Variants in SNED1 observed in about 807,000 individuals in gnomAD.
The protein encoded by SNED1 is sushi, nidogen and EGF-like domain-containing protein 1.
Under a neutral mutation model 166.7 loss-of-function variants are expected in SNED1, and 81 were observed. The observed-to-expected ratio is 0.49, with a 90% CI of 0.41 to 0.58. SNED1 has a LOEUF of 0.58. Ranked by LOEUF, SNED1 falls within the 20% of genes least tolerant of loss-of-function variation. The pLI is 0.00. For synonymous variants in SNED1, 762 were observed against 822.0 expected, an observed-to-expected ratio of 0.93 and a Z score of 1.25; for missense variants, 1,604 against 2,000.2, an observed-to-expected ratio of 0.80 and a Z score of 3.78.
At chr2:241,047,538 T>C (rs1041792190) in intron 8 of SNED1, among the ~76,000 whole-genome samples, 4 of 152,262 alleles carry the variant, frequency 2.6e-5, no homozygotes, top group Non-Finnish European at 4.4e-5. Flanking sequence ...TTGGCCATCA[T>C]AGGCCATATT....
rs940998319 is a variant in SNED1 at position 241,091,151 on chromosome 2, C to T, written c.*2-487C>T. On this transcript the variant is annotated intron_variant, in intron 31 of 31. Coordinates refer to ENST00000310397, the MANE Select transcript of SNED1 (RefSeq NM_001080437.3). The surrounding 1 kb of genome is among the most constrained non-coding windows in gnomAD (Gnocchi z 4.1). ...TTATCAAATACTGACTTATAGAATACCTATTCTTGAAATAATGGAGACAAC... is the reference window on the plus strand; with the variant it reads ...TTATCAAATACTGACTTATAGAATATCTATTCTTGAAATAATGGAGACAAC... Among the ~76,000 whole-genome samples the T allele has an allele frequency of 2.0e-5, 3 of 152,076 alleles. No individual in the cohort carries two copies. Among genetic ancestry groups the T allele is most frequent in the African/African-American group, 7.3e-5 (3 of 41,362 alleles).
chr2:241,053,073 T>A lies in SNED1; in HGVS notation c.2084-80T>A, dbSNP rs1041537878. On this transcript the variant is annotated intron_variant, in intron 15 of 31. Transcript: ENST00000310397. ...AGCAGGACATCCCTGGGCCCTGCAG[T>A]CGGGTCGGGCAGAGGCAGGGCGGTG... The A allele has an allele frequency of 2.9e-6, 4 of 1,378,566 alleles. No homozygotes were observed. The African/African-American group carries it at 4.3e-5, about 15-fold the overall frequency. The allele number at this position is 1,378,566 out of a possible 1,614,324, so 85.4% of individuals were successfully genotyped here.
chr2:241,019,745 A>G (rs1020462611), intron 1 of SNED1, among the ~76,000 whole-genome samples: 1 of 152,160 alleles, frequency 6.6e-6, no homozygotes, highest in African/African-American at 2.4e-5. Context: ...AGGCTGTCAA[A>G]TCAGTGACCA....
rs2061290651 is a variant in SNED1 at position 241,034,679 on chromosome 2, G to A, written c.754G>A (p.Ala252Thr). ...CAACGTGGGTGTGCCCGGGCGCTGG[G>A]CGTTCAGAATCGATGATGCCCAGGT... Reference protein sequence around the residue: ...TTNVGVPGRWAFRIDDAQVRV... With the variant: ...TTNVGVPGRWTFRIDDAQVRV... The change falls in exon 4 of 32, where the codon GCG (alanine) becomes ACG (threonine). Residue 252 changes from alanine to threonine, a missense_variant. By Grantham distance (58) the Ala-to-Thr change is moderately conservative. Coordinates refer to ENST00000310397, the MANE Select transcript of SNED1 (RefSeq NM_001080437.3). The A allele has an allele frequency of 4.4e-6, 7 of 1,605,620 alleles. No individual in the cohort carries two copies. The highest frequency in any genetic ancestry group is 5.9e-6 in the Non-Finnish European group (7 of 1,176,790).
At chr2:241,009,555 G>A (rs866610186) in intron 1 of SNED1, among the ~76,000 whole-genome samples, 2 of 152,146 alleles carry the variant, frequency 1.3e-5, no homozygotes, top group East Asian at 1.9e-4. Flanking sequence ...GAAAGGGCAC[G>A]GGGGCTGGGG....
At chr2:241,029,435 C>T (rs1459020480) in intron 1 of SNED1, among the ~76,000 whole-genome samples, 4 of 152,192 alleles carry the variant, frequency 2.6e-5, no homozygotes, top group Non-Finnish European at 5.9e-5. Context: ...TTTCTTAGGG[C>T]ACTAATCCCA....
chr2:241,058,711 G>C (rs1235664503), intron 16 of SNED1, among the ~76,000 whole-genome samples: 1 of 152,188 alleles, frequency 6.6e-6, no homozygotes, highest in East Asian at 1.9e-4. Context: ...AGCACTTTAG[G>C]AGGCCGAGGC....
intron 4 of SNED1, among the ~76,000 whole-genome samples, chr2:241,035,979 TGGGGGGC>T (rs2125018084): frequency 3.0e-5 from 1 of 33,728 alleles, no homozygotes; most frequent in East Asian, 9.7e-4. Flanking sequence ...GTAGTAGGGG[TGGGGGGC>T]GGAGGCGCGT....
In SNED1 at chr2:241,064,062, AGCG is replaced by A; in HGVS notation, c.2544_2546del (p.Gly849del). 1 of 1,568,404 alleles carries A rather than the reference AGCG, an allele frequency of 6.4e-7. No individual in the cohort carries two copies. Among genetic ancestry groups the A allele is most frequent in the Non-Finnish European group, 8.6e-7 (1 of 1,158,284 alleles). On this transcript the variant is annotated inframe_deletion, in exon 19 of 32. Transcript: ENST00000310397. This position sits in a 1 kb window ranked among gnomAD's most constrained non-coding sequence, Gnocchi z 7.0. ...CTGCCAGCATGGAGGCCGGTGTGAGAGCGGCGGCGGGGCCTACCTGTGCGTCTG... is the reference window on the plus strand; with the variant it reads ...CTGCCAGCATGGAGGCCGGTGTGAGAGCGGCGGGGCCTACCTGTGCGTCTG...
chr2:241,010,735 C>A (rs2060365976), intron 1 of SNED1: 1 of 152,458 alleles, frequency 6.6e-6, no homozygotes, highest in Non-Finnish European at 1.5e-5. Flanking sequence ...CAACGCAGAG[C>A]TTTTTCCAGG....
At chr2:241,079,574 G>A (rs2063228969) in intron 27 of SNED1, among the ~76,000 whole-genome samples, 1 of 152,142 alleles carries the variant, frequency 6.6e-6, no homozygotes, top group Non-Finnish European at 1.5e-5. Flanking sequence ...TGCATAATGG[G>A]ACTGGAGATC....
intron 1 of SNED1, among the ~76,000 whole-genome samples, chr2:241,029,857 C>T (rs2061108906): frequency 6.6e-6 from 1 of 152,252 alleles, no homozygotes; most frequent in African/African-American, 2.4e-5. Context: ...TGACCCCTGC[C>T]CACCCTTTCA....
At chr2:241,030,968 T>C (rs2061149348) in intron 2 of SNED1, among the ~76,000 whole-genome samples, 1 of 152,132 alleles carries the variant, frequency 6.6e-6, no homozygotes, top group Non-Finnish European at 1.5e-5. Flanking sequence ...GCAGGCTTGA[T>C]GAGTTATGGT....
intron 16 of SNED1, among the ~76,000 whole-genome samples, chr2:241,058,331 AAAG>A (rs1409576980): frequency 1.3e-5 from 2 of 151,732 alleles, no homozygotes; most frequent in Admixed American, 6.6e-5. Flanking sequence ...CAATGTTAGA[AAAG>A]AAGAAAATTT....
intron 29 of SNED1, among the ~76,000 whole-genome samples, chr2:241,084,742 A>G (rs1284586014): frequency 6.6e-6 from 1 of 152,122 alleles, no homozygotes; most frequent in Non-Finnish European, 1.5e-5. Context: ...TTGTAGATCT[A>G]GGATTCCATC....
Position 241,051,369 on chromosome 2 carries a change from G to A in SNED1, c.1736-375G>A, listed in dbSNP as rs73110182. ...TGACTGCTGGGGACCCTGATGTCAC[G>A]GCAGATGAGACTCAGCTGCTTCCTG... On this transcript the variant is annotated intron_variant, in intron 12 of 31. Transcript: ENST00000310397. This position sits in a 1 kb window ranked among gnomAD's most constrained non-coding sequence, Gnocchi z 4.7. The A allele has an allele frequency of 2.4e-3, 493 of 201,964 alleles. 3 individuals are homozygous for A. The highest frequency in any genetic ancestry group is 0.01 in the African/African-American group (446 of 43,452). 12.5% of individuals were successfully genotyped at this position (201,964 alleles called of 1,614,324 possible).
rs1475104173 is a variant in SNED1, at chr2:241,044,267, T to G, written c.1273+3854T>G. 2.0e-5 allele frequency among the ~76,000 whole-genome samples: 3 copies of G among 152,172 alleles called. No individual in the cohort carries two copies. The East Asian group carries it at 5.8e-4, about 29-fold the overall frequency. ...AAATAAAAGGCAAAGATTGTCAAAT[T>G]GAATTGAAAAGCAATACCCAACTAT... On this transcript the variant is annotated intron_variant, in intron 8 of 31. Transcript: ENST00000310397.
intron 16 of SNED1, among the ~76,000 whole-genome samples, chr2:241,058,708 T>C (rs761822689): frequency 5.3e-5 from 8 of 152,214 alleles, no homozygotes; most frequent in Admixed American, 4.6e-4. Flanking sequence ...CGCAGCACTT[T>C]AGGAGGCCGA....
At chr2:241,050,258 C>T (rs1277481880) in intron 12 of SNED1, among the ~76,000 whole-genome samples, 1 of 152,208 alleles carries the variant, frequency 6.6e-6, no homozygotes, top group Non-Finnish European at 1.5e-5. Flanking sequence ...GGATTTTGCT[C>T]AATCTAATTC....
Sources: gnomAD v4.1 joint callset for allele counts (sites outside exome capture counted in the v4.1 genomes callset) on GRCh38, gnomAD v4.1.1 for gene constraint, Gnocchi (gnomAD v3.1) non-coding constraint, MANE v1.5 for transcripts, NCBI Gene and HGNC (gene_info 2026-07-23, HGNC 2026-07-21) for gene names.